Variants in DYNC1I1 observed in about 807,000 individuals in gnomAD.
DYNC1I1 encodes cytoplasmic dynein 1 intermediate chain 1.
Under a neutral mutation model 86.6 loss-of-function variants are expected in DYNC1I1, and 43 were observed. That is an observed-to-expected ratio of 0.50 (90% CI 0.39 to 0.64). DYNC1I1 has a LOEUF of 0.64. DYNC1I1 is among the 30% of genes least tolerant of loss of function. DYNC1I1 has a pLI of 0.00. For missense variants in DYNC1I1, 604 were observed against 788.8 expected (o/e 0.77, Z 2.81); for synonymous variants, 262 against 283.7 (o/e 0.92, Z 0.77).
chr7:96,077,848 A>G (rs1477722948), intron 15 of DYNC1I1, among the ~76,000 whole-genome samples: 2 of 152,172 alleles, frequency 1.3e-5, no homozygotes, highest in Non-Finnish European at 2.9e-5. Flanking sequence ...ACATTGATAA[A>G]TATAATTTTT....
intron 10 of DYNC1I1, among the ~76,000 whole-genome samples, chr7:96,000,001 A>G (rs1793970756): frequency 6.6e-6 from 1 of 152,228 alleles, no homozygotes; most frequent in Admixed American, 6.5e-5. Flanking sequence ...GAGAAGTGTT[A>G]GAATCTCCTT....
At chr7:95,888,636 A>C (rs1343650042) in intron 6 of DYNC1I1, among the ~76,000 whole-genome samples, 6 of 152,136 alleles carry the variant, frequency 3.9e-5, no homozygotes, top group Admixed American at 3.9e-4. Flanking sequence ...TTTCTTAGAC[A>C]AAAAAATTGC....
At chr7:95,821,138 A>G (rs1795067392) in intron 4 of DYNC1I1, among the ~76,000 whole-genome samples, 1 of 152,224 alleles carries the variant, frequency 6.6e-6, no homozygotes, top group African/African-American at 2.4e-5. Flanking sequence ...CCAGGTAAAG[A>G]ATATTCATTT....
chr7:95,965,057 AGGAAGACTCCAT>A (rs1792973849), intron 6 of DYNC1I1, among the ~76,000 whole-genome samples: 2 of 152,322 alleles, frequency 1.3e-5, no homozygotes, highest in South Asian at 4.1e-4. Flanking sequence ...AAACTCTCCA[AGGAAGACTCCAT>A]GCAGTAGATG....
In DYNC1I1 at chr7:95,794,362, G is replaced by A. The variant is rs149823312; in HGVS notation, c.-9-10359G>A. 7.9e-5 allele frequency among the ~76,000 whole-genome samples: 12 copies of A among 152,280 alleles called. No individual in the cohort carries two copies. The East Asian group carries it at 2.1e-3, about 27-fold the overall frequency. Reference sequence around the variant, plus strand: ...TTCCTAAGGACTCTTGATATCATCTGAGTGTTTCTTGAAGGAAGATACTCT... The same window carrying A: ...TTCCTAAGGACTCTTGATATCATCTAAGTGTTTCTTGAAGGAAGATACTCT... On this transcript the variant is annotated intron_variant, in intron 1 of 16. Transcript: ENST00000447467.
chr7:95,808,448 C>T (rs1307883645), intron 2 of DYNC1I1, among the ~76,000 whole-genome samples: 2 of 152,076 alleles, frequency 1.3e-5, no homozygotes, highest in Admixed American at 1.3e-4. Context: ...ATGTCAACTG[C>T]TTTCTTGGCT....
At chr7:95,917,644 C>T (rs1791504150) in intron 6 of DYNC1I1, among the ~76,000 whole-genome samples, 2 of 152,118 alleles carry the variant, frequency 1.3e-5, no homozygotes, top group African/African-American at 4.8e-5. Context: ...AAAAATACCA[C>T]GGGAATTGCA....
At chr7:95,992,052 G>T (rs1362444911) in intron 9 of DYNC1I1, among the ~76,000 whole-genome samples, 1 of 152,064 alleles carries the variant, frequency 6.6e-6, no homozygotes, top group East Asian at 1.9e-4. Flanking sequence ...TAGAGACGGG[G>T]TTTCACCGTG....
chr7:95,997,582 CTTGTGTGTGTGTGT>C (rs1310854706), intron 10 of DYNC1I1, among the ~76,000 whole-genome samples: 4 of 117,144 alleles, frequency 3.4e-5, no homozygotes, highest in Non-Finnish European at 6.9e-5. Flanking sequence ...AAAGGGCATT[CTTGTGTGTGTGTGT>C]GTGTGTGTGT....
At chr7:95,973,262 C>G (rs930079889) in intron 6 of DYNC1I1, among the ~76,000 whole-genome samples, 1 of 152,200 alleles carries the variant, frequency 6.6e-6, no homozygotes, top group African/African-American at 2.4e-5. Context: ...AATATACTCT[C>G]TTTGCTGAGC....
In DYNC1I1 at chr7:95,983,959, T is replaced by C. The variant is rs62467721; in HGVS notation, c.581-856T>C. On this transcript the variant is annotated intron_variant, in intron 7 of 16. Coordinates refer to ENST00000447467, the MANE Select transcript of DYNC1I1 (RefSeq NM_001135556.2). Reference sequence around the variant, plus strand: ...TTCAGCTGACAGTTTCTGCCCTTGATGGTTTTTTGGTCTGGGGAGTTCCTA... The same window carrying C: ...TTCAGCTGACAGTTTCTGCCCTTGACGGTTTTTTGGTCTGGGGAGTTCCTA... 1.3e-3 allele frequency among the ~76,000 whole-genome samples: 191 copies of C among 152,244 alleles called. 1 individual carries two copies. The highest frequency in any genetic ancestry group is 2.4e-3 in the Admixed American group (36 of 15,278).
intron 6 of DYNC1I1, among the ~76,000 whole-genome samples, chr7:95,922,606 A>ATGAG (rs1342581184): frequency 6.6e-6 from 1 of 152,042 alleles, no homozygotes; most frequent in Non-Finnish European, 1.5e-5. Flanking sequence ...GTGTAAGACA[A>ATGAG]CGAGCTGGGA....
At chr7:96,107,824 C>A (rs569772893) in intron 16 of DYNC1I1, among the ~76,000 whole-genome samples, 3 of 151,402 alleles carry the variant, frequency 2.0e-5, no homozygotes, top group Non-Finnish European at 4.4e-5. Context: ...CCACGCCCGG[C>A]CTTCTTCATT....
intron 10 of DYNC1I1, among the ~76,000 whole-genome samples, chr7:96,004,561 G>A (rs1794093900): frequency 1.3e-5 from 2 of 151,660 alleles, no homozygotes; most frequent in African/African-American, 2.4e-5. Context: ...TCTTTAAAAT[G>A]TTCATGATAA....
intron 14 of DYNC1I1, among the ~76,000 whole-genome samples, chr7:96,069,788 C>A (rs1026854814): frequency 6.6e-6 from 1 of 152,124 alleles, no homozygotes; most frequent in Non-Finnish European, 1.5e-5. Context: ...TTCTTCCATG[C>A]AAATAAGCAG....
chr7:95,999,115 C>A (rs1793948776), intron 10 of DYNC1I1, among the ~76,000 whole-genome samples: 1 of 152,128 alleles, frequency 6.6e-6, no homozygotes, highest in Admixed American at 6.5e-5. Flanking sequence ...AGCCACTCAG[C>A]CCCATAACAC....
intron 14 of DYNC1I1, among the ~76,000 whole-genome samples, chr7:96,064,416 C>T (rs1367327161): frequency 6.6e-6 from 1 of 152,136 alleles, no homozygotes; most frequent in Non-Finnish European, 1.5e-5. Flanking sequence ...AGATTTCCTA[C>T]TATCCAACTC....
At chr7:96,004,419 T>G (rs970562108) in intron 10 of DYNC1I1, among the ~76,000 whole-genome samples, 46 of 152,212 alleles carry the variant, frequency 3.0e-4, no homozygotes, top group African/African-American at 7.2e-5. Flanking sequence ...GTTTTTTTCC[T>G]TTTGAGTTTT....
chr7:96,025,841 G>A lies in DYNC1I1; in HGVS notation c.970-2334G>A, dbSNP rs555092122. ...GTCTCAACAAACAGTACAAGCTTGCGGGGGGGGGATATTTGCTTGGATTTA... is the reference window on the plus strand; with the variant it reads ...GTCTCAACAAACAGTACAAGCTTGCAGGGGGGGGATATTTGCTTGGATTTA... On this transcript the variant is annotated intron_variant, in intron 10 of 16. Coordinates refer to ENST00000447467, the MANE Select transcript of DYNC1I1 (RefSeq NM_001135556.2). Among the ~76,000 whole-genome samples the A allele has an allele frequency of 4.5e-4, 19 of 42,174 alleles. No homozygotes were observed. In the South Asian group the frequency reaches 9.6e-3, roughly 21 times the overall value. The allele number at this position is 42,174 out of a possible 152,430, so 27.7% of individuals were successfully genotyped here.
Sources: gnomAD v4.1 joint callset for allele counts (sites outside exome capture counted in the v4.1 genomes callset) on GRCh38, gnomAD v4.1.1 for gene constraint, MANE v1.5 for transcripts, NCBI Gene and HGNC (gene_info 2026-07-23, HGNC 2026-07-21) for gene names.